TENM3: variants seen among roughly 807,000 people sequenced by gnomAD.
TENM3 encodes teneurin-3.
In TENM3, 63 loss-of-function variants were observed where a neutral mutation model predicts 255.1. That is an observed-to-expected ratio of 0.25 (90% CI 0.20 to 0.30). The LOEUF is 0.30. Ranked by LOEUF, TENM3 falls within the 10% of genes least tolerant of loss-of-function variation. The probability of loss-of-function intolerance (pLI) is 1.00; values close to 1 mark genes in which losing one functional copy is unlikely to be tolerated. For synonymous variants in TENM3, 1,306 were observed against 1,322.3 expected (o/e 0.99, Z 0.27); for missense variants, 2,929 against 3,461.1 (o/e 0.85, Z 3.86).
chr4:181,936,982 T>A, the TENM3 span, among the ~76,000 whole-genome samples: 1 of 152,168 alleles, frequency 6.6e-6, no homozygotes, highest in African/African-American at 2.4e-5. Context: ...AGTGTGTTGT[T>A]GTAAAGAGGT....
At chr4:181,694,363 C>T in the TENM3 span, among the ~76,000 whole-genome samples, 1 of 152,118 alleles carries the variant, frequency 6.6e-6, no homozygotes, top group East Asian at 1.9e-4. Context: ...GCCGCACAAA[C>T]CTTTACTAAG....
At chr4:182,606,546 A>G (rs1445601602) in intron 4 of TENM3, among the ~76,000 whole-genome samples, 1 of 151,538 alleles carries the variant, frequency 6.6e-6, no homozygotes, top group African/African-American at 2.4e-5. Flanking sequence ...AAAAAAAAAA[A>G]AAGGTAGCGT....
At chr4:181,720,316 T>A in the TENM3 span, among the ~76,000 whole-genome samples, 1 of 152,214 alleles carries the variant, frequency 6.6e-6, no homozygotes, top group Non-Finnish European at 1.5e-5. Context: ...CCCATTAATA[T>A]TCTAAGCCAA....
the TENM3 span, among the ~76,000 whole-genome samples, chr4:181,735,983 T>G: frequency 1.1e-3 from 167 of 152,330 alleles, 1 homozygote; most frequent in African/African-American, 3.7e-3. Context: ...TGTCTATCTT[T>G]TTTTCTTATA....
intron 4 of TENM3, among the ~76,000 whole-genome samples, chr4:182,616,717 G>A (rs1423297518): frequency 1.3e-5 from 2 of 152,056 alleles, no homozygotes; most frequent in African/African-American, 2.4e-5. Flanking sequence ...GCTTCTGAGG[G>A]CCAGCATCCT....
At chr4:182,712,954 A>G (rs758599486) in intron 12 of TENM3, among the ~76,000 whole-genome samples, 1 of 152,238 alleles carries the variant, frequency 6.6e-6, no homozygotes, top group African/African-American at 2.4e-5. Flanking sequence ...TCAGTGTCAT[A>G]TCACACTCAT....
At chr4:182,161,279 G>T (rs1444949757) in intron 1 of TENM3, among the ~76,000 whole-genome samples, 1 of 137,010 alleles carries the variant, frequency 7.3e-6, no homozygotes, top group South Asian at 2.6e-4. Flanking sequence ...AGCCGGGCGT[G>T]GTGGCGGGCG....
intron 23 of TENM3, 42 bp downstream of exon 23, chr4:182,773,689 CCAGA>C: frequency 6.4e-7 from 1 of 1,568,536 alleles, no homozygotes; most frequent in South Asian, 1.2e-5. Flanking sequence ...CCACCAGCAC[CCAGA>C]CAGAATGCGG....
chr4:181,463,246 T>C, the TENM3 span, among the ~76,000 whole-genome samples: 4 of 152,366 alleles, frequency 2.6e-5, no homozygotes, highest in East Asian at 1.9e-4. Flanking sequence ...AACATCCATG[T>C]CAAATACCAC....
the TENM3 span, among the ~76,000 whole-genome samples, chr4:181,554,303 A>T: frequency 6.6e-6 from 1 of 152,240 alleles, no homozygotes; most frequent in Non-Finnish European, 1.5e-5. Context: ...TCTCATGTAC[A>T]GCTAAAGAAA....
chr4:182,605,871 G>C (rs1356163007), intron 4 of TENM3, among the ~76,000 whole-genome samples: 2 of 152,182 alleles, frequency 1.3e-5, no homozygotes, highest in African/African-American at 2.4e-5. Flanking sequence ...AGTTACCCTG[G>C]AATTGCAGCA....
At chr4:181,602,305 C>T in the TENM3 span, among the ~76,000 whole-genome samples, 1 of 152,132 alleles carries the variant, frequency 6.6e-6, no homozygotes, top group East Asian at 1.9e-4. Context: ...AAGCTTTGTC[C>T]TCACTATTTT....
intron 3 of TENM3, among the ~76,000 whole-genome samples, chr4:182,435,860 G>C (rs2151220126): frequency 6.6e-6 from 1 of 152,000 alleles, no homozygotes; most frequent in South Asian, 2.1e-4. Context: ...AAGACCTGAA[G>C]TTGGTTTATT....
At chr4:182,656,998 G>A (rs1753814200) in intron 6 of TENM3, among the ~76,000 whole-genome samples, 1 of 152,162 alleles carries the variant, frequency 6.6e-6, no homozygotes, top group Admixed American at 6.5e-5. Context: ...GAATAAAGAG[G>A]TAAGAATGAA....
At chr4:182,194,250 C>T (rs566698106) in intron 1 of TENM3, among the ~76,000 whole-genome samples, 2 of 152,178 alleles carry the variant, frequency 1.3e-5, no homozygotes, top group African/African-American at 4.8e-5. Context: ...TTTTTGTCCT[C>T]GTTGTTTCTG....
the TENM3 span, among the ~76,000 whole-genome samples, chr4:182,008,217 C>T: frequency 2.6e-5 from 4 of 152,030 alleles, no homozygotes; most frequent in African/African-American, 7.2e-5. Flanking sequence ...TTGATCTTCT[C>T]GTGGAGTATC....
the TENM3 span, among the ~76,000 whole-genome samples, chr4:182,073,281 G>C: frequency 6.6e-6 from 1 of 152,154 alleles, no homozygotes; most frequent in East Asian, 1.9e-4. Context: ...ACAGCATGGG[G>C]GAAACCAGCC....
At chr4:181,949,652 C>A in the TENM3 span, among the ~76,000 whole-genome samples, 685 of 152,248 alleles carry the variant, frequency 4.5e-3, 3 homozygotes, top group African/African-American at 0.016. Flanking sequence ...TATGAAAGTC[C>A]AAGCCTGCCA....
chr4:182,351,251 T>C (rs997620249), intron 3 of TENM3, among the ~76,000 whole-genome samples: 1 of 152,100 alleles, frequency 6.6e-6, no homozygotes, highest in Non-Finnish European at 1.5e-5. Flanking sequence ...AGTGAAGATA[T>C]TTAGCAAAGA....
Sources: gnomAD v4.1 joint callset for allele counts (sites outside exome capture counted in the v4.1 genomes callset) on GRCh38, gnomAD v4.1.1 for gene constraint, MANE v1.5 for transcripts, NCBI Gene and HGNC (gene_info 2026-07-23, HGNC 2026-07-21) for gene names.